Variants in RALGAPB observed in about 807,000 individuals in gnomAD.
The protein encoded by RALGAPB is Ral GTPase activating protein non-catalytic subunit beta, also known as ral GTPase-activating protein subunit beta.
In RALGAPB, 25 loss-of-function variants were observed where a neutral mutation model predicts 161.1. The ratio of observed to expected loss-of-function variants is 0.16; its 90% confidence interval spans 0.11 to 0.22. The LOEUF is 0.22. Among genes scored for constraint, RALGAPB ranks in the 10% least tolerant of loss-of-function variants. The pLI is 1.00. For synonymous variants in RALGAPB, 629 were observed against 626.1 expected (o/e 1.00, Z -0.07); for missense variants, 1,391 against 1,815.2 (o/e 0.77, Z 4.25).
At chr20:38,494,259 T>C (rs190618226) in intron 3 of RALGAPB, among the ~76,000 whole-genome samples, 4 of 152,386 alleles carry the variant, frequency 2.6e-5, no homozygotes, top group Non-Finnish European at 5.9e-5. Context: ...GCAATACTGG[T>C]ATTTTAATAC....
rs1246009484 is a variant in RALGAPB at position 38,567,021 on chromosome 20, G to A, written c.3818-75G>A. ...TAAGTGATTTAGGTTAGACTGGTGA[G>A]CATAATTAGTTTTAACAGCCTTGCT... On this transcript the variant is annotated intron_variant, in intron 25 of 29. Transcript: ENST00000262879. The A allele has an allele frequency of 1.3e-5, 20 of 1,531,542 alleles. No homozygotes were observed. The East Asian group carries it at 4.1e-4, about 32-fold the overall frequency. The allele number at this position is 1,531,542 out of a possible 1,614,324, so 94.9% of individuals were successfully genotyped here.
intron 22 of RALGAPB, among the ~76,000 whole-genome samples, 167 bp from the exon 23 acceptor site, chr20:38,558,128 G>A (rs1413830697): frequency 1.3e-5 from 2 of 152,174 alleles, no homozygotes; most frequent in South Asian, 2.1e-4. Flanking sequence ...GAACTAAAAG[G>A]AAGTATGTTA....
chr20:38,566,766 A>G (rs1217762559), intron 25 of RALGAPB, among the ~76,000 whole-genome samples: 1 of 152,236 alleles, frequency 6.6e-6, no homozygotes, highest in Non-Finnish European at 1.5e-5. Context: ...TGAAACGTCA[A>G]ATATTTTCTA....
intron 4 of RALGAPB, among the ~76,000 whole-genome samples, chr20:38,498,069 CAAA>C (rs11481813): frequency 3.2e-5 from 4 of 123,844 alleles, no homozygotes; most frequent in African/African-American, 3.2e-5. Flanking sequence ...GACTCTGTCT[CAAA>C]AAAAAAAAAA....
rs549285927 is a variant in RALGAPB, at chr20:38,577,410, C to G, written c.*2443C>G. Reference sequence around the variant, plus strand: ...AGCCTCTGGGGGGAAACCAGGACCACTTTTGTCTGTGGCTTAAACAGTTCA... The same window carrying G: ...AGCCTCTGGGGGGAAACCAGGACCAGTTTTGTCTGTGGCTTAAACAGTTCA... On this transcript the variant is annotated 3_prime_UTR_variant, in exon 30 of 30. Coordinates refer to ENST00000262879, the MANE Select transcript of RALGAPB (RefSeq NM_020336.4). 1.3e-5 allele frequency: 2 copies of G among 152,274 alleles called. No homozygotes were observed. Among genetic ancestry groups the G allele is most frequent in the East Asian group, 3.9e-4 (2 of 5,186 alleles). The allele number at this position is 152,274 out of a possible 1,614,324, so 9.4% of individuals were successfully genotyped here. A position where few individuals can be genotyped will look rare whatever the true frequency, so the allele number is the denominator to read the frequency against.
chr20:38,540,746 C>T (rs1893507578), intron 17 of RALGAPB, among the ~76,000 whole-genome samples: 1 of 151,956 alleles, frequency 6.6e-6, no homozygotes, highest in East Asian at 1.9e-4. Context: ...TATTTAATCT[C>T]TTAGATTTGT....
intron 17 of RALGAPB, 100 bp downstream of exon 17, chr20:38,540,058 CA>C: frequency 2.0e-6 from 2 of 1,004,966 alleles, no homozygotes; most frequent in Non-Finnish European, 2.8e-6. Context: ...CAGTATTGCA[CA>C]CTTTAAACTG....
At chr20:38,502,429 A>G (rs769438027) in intron 5 of RALGAPB, among the ~76,000 whole-genome samples, 12 of 152,356 alleles carry the variant, frequency 7.9e-5, no homozygotes, top group East Asian at 1.9e-4. Context: ...ACATTACAAG[A>G]AAAAGTTGAA....
At chr20:38,493,520 A>G (rs1182135955) in intron 3 of RALGAPB, among the ~76,000 whole-genome samples, 2 of 152,216 alleles carry the variant, frequency 1.3e-5, no homozygotes, top group African/African-American at 2.4e-5. Flanking sequence ...GAGAGTGAAG[A>G]CACTTGAAAT....
intron 6 of RALGAPB, among the ~76,000 whole-genome samples, chr20:38,510,909 CAAAA>C (rs770635898): frequency 5.7e-5 from 3 of 52,868 alleles, no homozygotes. Context: ...GACTCCGTCT[CAAAA>C]AAAAAAAAAA....
At chr20:38,543,223 C>T (rs1051575262) in intron 18 of RALGAPB, among the ~76,000 whole-genome samples, 1 of 152,212 alleles carries the variant, frequency 6.6e-6, no homozygotes, top group Non-Finnish European at 1.5e-5. Flanking sequence ...TCTCTGTTCT[C>T]TCACAATTGC....
chr20:38,570,644 T>C (rs1225961589), intron 27 of RALGAPB, 125 bp from the exon 28 acceptor site: 3 of 479,310 alleles, frequency 6.3e-6, no homozygotes, highest in Non-Finnish European at 1.1e-5. Context: ...AAGATGATAT[T>C]TCAGGACAGC....
chr20:38,490,292 T>C (rs187031121), intron 2 of RALGAPB, among the ~76,000 whole-genome samples: 103 of 152,256 alleles, frequency 6.8e-4, no homozygotes, highest in African/African-American at 2.1e-3. Context: ...CACTGCAAGC[T>C]CCACTTCCCG....
intron 13 of RALGAPB, 96 bp downstream of exon 13, chr20:38,526,138 A>G: frequency 7.5e-7 from 1 of 1,335,202 alleles, no homozygotes; most frequent in Non-Finnish European, 1.0e-6. Flanking sequence ...GCCTAAACCT[A>G]ATGTAGCTCT....
chr20:38,476,027 T>C (rs1230728117), intron 1 of RALGAPB, among the ~76,000 whole-genome samples: 3 of 152,212 alleles, frequency 2.0e-5, no homozygotes, highest in South Asian at 2.1e-4. Flanking sequence ...GGACAACTTA[T>C]GTTAAATTCA....
At chr20:38,493,927 G>C (rs941972738) in intron 3 of RALGAPB, among the ~76,000 whole-genome samples, 1 of 152,164 alleles carries the variant, frequency 6.6e-6, no homozygotes, top group African/African-American at 2.4e-5. Context: ...AGTCAGACTC[G>C]TAAGTCAGAC....
intron 1 of RALGAPB, among the ~76,000 whole-genome samples, chr20:38,485,644 C>G (rs1258988042): frequency 6.6e-6 from 1 of 152,144 alleles, no homozygotes; most frequent in African/African-American, 2.4e-5. Flanking sequence ...CCATGCTGGT[C>G]TCAAACTCCT....
chr20:38,494,596 A>G (rs1399871396), intron 3 of RALGAPB, among the ~76,000 whole-genome samples: 1 of 152,232 alleles, frequency 6.6e-6, no homozygotes, highest in Admixed American at 6.5e-5. Flanking sequence ...GCACCACTGC[A>G]CTCAGCCTGG....
intron 5 of RALGAPB, among the ~76,000 whole-genome samples, chr20:38,505,041 A>G (rs533038200): frequency 6.6e-6 from 1 of 152,352 alleles, no homozygotes; most frequent in Admixed American, 6.5e-5. Context: ...AGAACTTAAA[A>G]TACGACTACC....
Sources: allele counts gnomAD v4.1 joint callset (sites outside exome capture counted in the v4.1 genomes callset), GRCh38; gene constraint gnomAD v4.1.1; transcripts MANE v1.5; gene names NCBI Gene and HGNC (gene_info 2026-07-23, HGNC 2026-07-21).